Variants in ADIPOR2 observed in about 807,000 individuals in gnomAD.
ADIPOR2 encodes the protein adiponectin receptor protein 2.
In ADIPOR2, 18 loss-of-function variants were observed where a neutral mutation model predicts 40.9. That is an observed-to-expected ratio of 0.44 (90% CI 0.30 to 0.65). ADIPOR2 has a LOEUF of 0.65. ADIPOR2 is among the 30% of genes least tolerant of loss of function. The pLI is 0.09. For synonymous variants in ADIPOR2, 165 were observed against 166.4 expected (o/e 0.99, Z 0.06); for missense variants, 283 against 479.2 (o/e 0.59, Z 3.82).
At chr12:1,735,691 C>A (rs569177289) in intron 1 of ADIPOR2, among the ~76,000 whole-genome samples, 10 of 152,202 alleles carry the variant, frequency 6.6e-5, no homozygotes, top group Non-Finnish European at 1.3e-4. Flanking sequence ...AAAGGCAATG[C>A]TTCCAGTTTT....
At chr12:1,736,878 G>A (rs890429669) in intron 1 of ADIPOR2, among the ~76,000 whole-genome samples, 2 of 152,188 alleles carry the variant, frequency 1.3e-5, no homozygotes, top group African/African-American at 4.8e-5. Context: ...GTACCCAGTA[G>A]TCATTCAGGA....
intron 1 of ADIPOR2, among the ~76,000 whole-genome samples, chr12:1,733,171 C>T (rs2094723857): frequency 6.6e-6 from 1 of 152,138 alleles, no homozygotes; most frequent in African/African-American, 2.4e-5. Context: ...TAGTAAGCTT[C>T]CCTACTGTTG....
intron 1 of ADIPOR2, among the ~76,000 whole-genome samples, chr12:1,711,343 G>A (rs2094676434): frequency 6.6e-6 from 1 of 152,076 alleles, no homozygotes; most frequent in Admixed American, 6.5e-5. Flanking sequence ...ATAAGTAGGG[G>A]TATTAGTTGT....
chr12:1,753,596 C>G (rs1186099927), intron 1 of ADIPOR2, among the ~76,000 whole-genome samples: 1 of 152,102 alleles, frequency 6.6e-6, no homozygotes, highest in African/African-American at 2.4e-5. Context: ...AGACATTAAG[C>G]CTTTTGAATA....
At chr12:1,767,269 CAAAAAAAAAAA>C (rs61401998) in intron 2 of ADIPOR2, among the ~76,000 whole-genome samples, 18 of 87,468 alleles carry the variant, frequency 2.1e-4, no homozygotes, top group South Asian at 4.0e-4. Context: ...AAGACTTCGT[CAAAAAAAAAAA>C]AAAAAAAAAA....
At chr12:1,748,226 A>C (rs1003143803) in intron 1 of ADIPOR2, among the ~76,000 whole-genome samples, 1 of 151,768 alleles carries the variant, frequency 6.6e-6, no homozygotes, top group African/African-American at 2.4e-5. Context: ...TATTGTCATT[A>C]TGCTTTCCTT....
At chr12:1,716,779 A>G (rs1167960680) in intron 1 of ADIPOR2, among the ~76,000 whole-genome samples, 3 of 152,054 alleles carry the variant, frequency 2.0e-5, no homozygotes, top group East Asian at 1.9e-4. Flanking sequence ...AACCTTAGCA[A>G]TTTTTCATCC....
chr12:1,691,448 G>C (rs1459094731), intron 1 of ADIPOR2, among the ~76,000 whole-genome samples: 2 of 152,168 alleles, frequency 1.3e-5, no homozygotes, highest in Non-Finnish European at 2.9e-5. Flanking sequence ...GGAGGAGTCC[G>C]GCGCCCGCTG....
chr12:1,734,535 C>T (rs546592989), intron 1 of ADIPOR2, among the ~76,000 whole-genome samples: 18 of 151,870 alleles, frequency 1.2e-4, no homozygotes, highest in Admixed American at 3.9e-4. Flanking sequence ...GAGTAGATTG[C>T]AAAAGTTTTC....
intron 1 of ADIPOR2, among the ~76,000 whole-genome samples, chr12:1,751,208 A>G (rs2094768472): frequency 6.6e-6 from 1 of 152,250 alleles, no homozygotes; most frequent in East Asian, 1.9e-4. Context: ...CAACAGTTCT[A>G]CTGTTGAAAG....
intron 1 of ADIPOR2, among the ~76,000 whole-genome samples, chr12:1,716,347 T>C (rs1298736079): frequency 1.3e-5 from 2 of 152,222 alleles, no homozygotes; most frequent in African/African-American, 4.8e-5. Flanking sequence ...GACAAACCTT[T>C]GAAAATGTTT....
chr12:1,773,041 AC>A, intron 3 of ADIPOR2, 80 bp downstream of exon 3: 1 of 1,485,860 alleles, frequency 6.7e-7, no homozygotes, highest in Non-Finnish European at 9.0e-7. Flanking sequence ...GAGTGGTAGT[AC>A]TATAGCCTTT....
chr12:1,772,016 G>T (rs1862502671), intron 2 of ADIPOR2, among the ~76,000 whole-genome samples: 1 of 152,204 alleles, frequency 6.6e-6, no homozygotes, highest in Admixed American at 6.5e-5. Flanking sequence ...GGTGGAGCTG[G>T]CCTCACCACT....
At chr12:1,771,451 G>T (rs919856109) in intron 2 of ADIPOR2, among the ~76,000 whole-genome samples, 2 of 151,980 alleles carry the variant, frequency 1.3e-5, no homozygotes, top group Non-Finnish European at 2.9e-5. Flanking sequence ...TGAGGAACAC[G>T]AGTTTAGGAT....
intron 1 of ADIPOR2, among the ~76,000 whole-genome samples, chr12:1,720,840 C>T (rs570511380): frequency 2.0e-5 from 3 of 152,284 alleles, no homozygotes; most frequent in South Asian, 4.1e-4. Context: ...AGGAAAAAGT[C>T]AAGTGGGGAA....
chr12:1,783,876 C>G lies in ADIPOR2; in HGVS notation c.839-4C>G, dbSNP rs758888453. 2.5e-6 allele frequency: 4 copies of G among 1,593,704 alleles called. No individual in the cohort carries two copies. Among genetic ancestry groups the G allele is most frequent in the Non-Finnish European group, 2.6e-6 (3 of 1,168,880 alleles). Reference sequence around the variant, plus strand: ...TTACTTTACTCTCTTCTTGTGACTCCTAGGAGTGTTTTTGGGCCTAGGCCT... The same window carrying G: ...TTACTTTACTCTCTTCTTGTGACTCGTAGGAGTGTTTTTGGGCCTAGGCCT... On this transcript the variant is annotated splice_region_variant and splice_polypyrimidine_tract_variant and intron_variant, in intron 6 of 7. Transcript: ENST00000357103.
chr12:1,698,566 A>T (rs1314351932), intron 1 of ADIPOR2, among the ~76,000 whole-genome samples: 3 of 152,068 alleles, frequency 2.0e-5, no homozygotes, highest in African/African-American at 7.2e-5. Context: ...CTTACTTTAC[A>T]TCTGCATCTA....
At chr12:1,703,401 A>T (rs910492347) in intron 1 of ADIPOR2, among the ~76,000 whole-genome samples, 2 of 152,082 alleles carry the variant, frequency 1.3e-5, no homozygotes, top group African/African-American at 4.8e-5. Flanking sequence ...TGTTGCTTTA[A>T]TTTTTTTCAG....
At chr12:1,750,664 A>G (rs2094767237) in intron 1 of ADIPOR2, among the ~76,000 whole-genome samples, 1 of 152,132 alleles carries the variant, frequency 6.6e-6, no homozygotes, top group Non-Finnish European at 1.5e-5. Flanking sequence ...GATCCTCAGT[A>G]ACATTTTAAG....
Sources: allele counts gnomAD v4.1 joint callset (sites outside exome capture counted in the v4.1 genomes callset), GRCh38; gene constraint gnomAD v4.1.1; transcripts MANE v1.5; gene names NCBI Gene and HGNC (gene_info 2026-07-23, HGNC 2026-07-21).